The following AGFG1 variants were observed in gnomAD, a reference collection of about 807,000 sequenced individuals.
AGFG1 encodes the protein ArfGAP with FG repeats 1.
Under a neutral mutation model 60.6 loss-of-function variants are expected in AGFG1, and 10 were observed. That is an observed-to-expected ratio of 0.16 (90% CI 0.10 to 0.28). The LOEUF (loss-of-function observed/expected upper bound fraction) is 0.28, where lower values mean the gene tolerates loss of function less well. Ranked by LOEUF, AGFG1 falls within the 10% of genes least tolerant of loss-of-function variation. The pLI, the probability that AGFG1 is intolerant of heterozygous loss-of-function variation, is 1.00. For missense variants in AGFG1, 537 were observed against 676.5 expected (o/e 0.79, Z 2.29); for synonymous variants, 247 against 242.9 (o/e 1.02, Z -0.16).
intron 10 of AGFG1, among the ~76,000 whole-genome samples, chr2:227,542,080 G>A (rs898684441): frequency 2.0e-5 from 3 of 151,968 alleles, no homozygotes; most frequent in Non-Finnish European, 4.4e-5. Flanking sequence ...GGGGGTTTTC[G>A]AAATATACAA....
chr2:227,500,366 C>G (rs1288080195), intron 2 of AGFG1, among the ~76,000 whole-genome samples: 3 of 152,164 alleles, frequency 2.0e-5, no homozygotes, highest in African/African-American at 7.2e-5. Context: ...ACTTGTCCTG[C>G]TTTGTGCCAT....
In AGFG1 at chr2:227,558,704, T is replaced by C. The variant is rs1693049904; in HGVS notation, c.*4209T>C. The C allele has an allele frequency of 6.6e-6, 1 of 152,210 alleles. No individual in the cohort carries two copies. The highest frequency in any genetic ancestry group is 1.5e-5 in the Non-Finnish European group (1 of 68,024). 9.4% of individuals were successfully genotyped at this position (152,210 alleles called of 1,614,324 possible). A position where few individuals can be genotyped will look rare whatever the true frequency, so the allele number is the denominator to read the frequency against. On this transcript the variant is annotated 3_prime_UTR_variant, in exon 13 of 13. Transcript: ENST00000310078. Reference sequence around the variant, plus strand: ...ATAACCACGATGTAATCCAGTGTTGTGCTGCTGAATGTTTAACAACCATCT... The same window carrying C: ...ATAACCACGATGTAATCCAGTGTTGCGCTGCTGAATGTTTAACAACCATCT...
chr2:227,533,312 C>G (rs1427770814), intron 6 of AGFG1, among the ~76,000 whole-genome samples: 2 of 152,112 alleles, frequency 1.3e-5, no homozygotes, highest in African/African-American at 4.8e-5. Flanking sequence ...ATTCTTCATT[C>G]CAGGGTAGGT....
In AGFG1 at chr2:227,561,092, G is replaced by T. The variant is rs936789037; in HGVS notation, c.*6597G>T. The T allele has an allele frequency of 3.4e-4, 52 of 152,058 alleles. 1 individual carries two copies. The highest frequency in any genetic ancestry group is 1.2e-3 in the African/African-American group (51 of 41,422). 9.4% of individuals were successfully genotyped at this position (152,058 alleles called of 1,614,324 possible). A position where few individuals can be genotyped will look rare whatever the true frequency, so the allele number is the denominator to read the frequency against. On this transcript the variant is annotated 3_prime_UTR_variant, in exon 13 of 13. Coordinates refer to ENST00000310078, the MANE Select transcript of AGFG1 (RefSeq NM_004504.5). ...TTAAATATTGGATGAAAACTTACAG[G>T]CTGTTTTCAATATTCATTTCTGAAA...
At chr2:227,539,457 A>AC (rs1553549775) in intron 10 of AGFG1, among the ~76,000 whole-genome samples, 6 of 130,000 alleles carry the variant, frequency 4.6e-5, no homozygotes, top group East Asian at 4.6e-4. Flanking sequence ...AAAACAAAAA[A>AC]CACATGTTAA....
At chr2:227,522,171 A>G (rs1282704349) in intron 3 of AGFG1, among the ~76,000 whole-genome samples, 1 of 152,260 alleles carries the variant, frequency 6.6e-6, no homozygotes, top group Non-Finnish European at 1.5e-5. Context: ...GTGTTATACT[A>G]GAAGACATCA....
chr2:227,472,880 CCGGGGCGAG>C (rs1189146911), intron 1 of AGFG1, among the ~76,000 whole-genome samples: 31 of 151,598 alleles, frequency 2.0e-4, no homozygotes, highest in African/African-American at 7.3e-4. Flanking sequence ...GAGGGGGCGA[CCGGGGCGAG>C]CGTCCCTGGT....
chr2:227,515,266 C>A (rs1472366008), intron 2 of AGFG1, among the ~76,000 whole-genome samples: 1 of 152,074 alleles, frequency 6.6e-6, no homozygotes, highest in African/African-American at 2.4e-5. Context: ...TAGTGTTAAT[C>A]ATTTTGGCAA....
chr2:227,475,455 C>A (rs1012479451), intron 1 of AGFG1, among the ~76,000 whole-genome samples: 2 of 152,122 alleles, frequency 1.3e-5, no homozygotes, highest in South Asian at 2.1e-4. Flanking sequence ...AGAGTGGCAA[C>A]CATCAAATGT....
chr2:227,518,493 TCTGTCTTGTG>T (rs1171678654), intron 2 of AGFG1, among the ~76,000 whole-genome samples: 1 of 151,714 alleles, frequency 6.6e-6, no homozygotes, highest in African/African-American at 2.4e-5. Flanking sequence ...TATATGCATG[TCTGTCTTGTG>T]GAGTCTCAGT....
At chr2:227,519,917 T>A in intron 2 of AGFG1, 31 bp from the exon 3 acceptor site, 1 of 1,343,026 alleles carries the variant, frequency 7.4e-7, no homozygotes, top group Non-Finnish European at 1.0e-6. Context: ...GATGTTGAAT[T>A]TAACATATAT....
intron 2 of AGFG1, among the ~76,000 whole-genome samples, chr2:227,495,137 G>T (rs553407854): frequency 3.3e-5 from 5 of 152,126 alleles, no homozygotes; most frequent in African/African-American, 4.8e-5. Context: ...AAAATATTTC[G>T]CATTGGAGCA....
At chr2:227,509,636 ATG>A (rs1404211156) in intron 2 of AGFG1, among the ~76,000 whole-genome samples, 1 of 152,118 alleles carries the variant, frequency 6.6e-6, no homozygotes, top group Non-Finnish European at 1.5e-5. Flanking sequence ...GATAAAGCAA[ATG>A]TTACCGTTGG....
At chr2:227,550,007 A>G (rs1320895440) in intron 10 of AGFG1, 1 of 438,252 alleles carries the variant, frequency 2.3e-6, no homozygotes, top group Non-Finnish European at 4.7e-6. Context: ...TTATTTTAAC[A>G]ATAGTTATCT....
intron 2 of AGFG1, among the ~76,000 whole-genome samples, chr2:227,494,409 G>A (rs1256751775): frequency 1.3e-5 from 2 of 152,302 alleles, no homozygotes; most frequent in South Asian, 2.1e-4. Context: ...AGTCACATAA[G>A]TTTTGGATTA....
rs768542067 is a variant in AGFG1, at chr2:227,552,123, A to T, written c.1537+6A>T. 6.2e-7 allele frequency: 1 copy of T among 1,614,064 alleles called. No homozygotes were observed. The highest frequency in any genetic ancestry group is 1.1e-5 in the South Asian group (1 of 91,076). ...TTTTTCTCAACAGCCCAATGGTAAG[A>T]TCTAACATTTGGCGAGCTGTAAGTT... On this transcript the variant is annotated splice_donor_region_variant and intron_variant, in intron 11 of 12. Transcript: ENST00000310078.
intron 10 of AGFG1, among the ~76,000 whole-genome samples, chr2:227,549,548 A>T (rs1692758015): frequency 6.6e-6 from 1 of 152,054 alleles, no homozygotes; most frequent in African/African-American, 2.4e-5. Context: ...ATATTTAATA[A>T]TTTTTCCCTT....
chr2:227,534,690 C>G (rs1692257266), intron 7 of AGFG1, among the ~76,000 whole-genome samples, 155 bp from the exon 8 acceptor site: 1 of 152,134 alleles, frequency 6.6e-6, no homozygotes, highest in Non-Finnish European at 1.5e-5. Flanking sequence ...TAATCCTGTC[C>G]AGTATGGTCC....
intron 1 of AGFG1, among the ~76,000 whole-genome samples, chr2:227,482,979 CTTT>C (rs59051579): frequency 7.4e-4 from 80 of 108,188 alleles, no homozygotes; most frequent in Non-Finnish European, 8.1e-4. Flanking sequence ...GTTATTGAGT[CTTT>C]TTTTTTTTTT....
Sources: gnomAD v4.1 joint callset for allele counts (sites outside exome capture counted in the v4.1 genomes callset) on GRCh38, gnomAD v4.1.1 for gene constraint, MANE v1.5 for transcripts, NCBI Gene and HGNC (gene_info 2026-07-23, HGNC 2026-07-21) for gene names.